AGPAT3: variants seen among roughly 807,000 people sequenced by gnomAD.
AGPAT3 encodes the protein 1-acyl-sn-glycerol-3-phosphate acyltransferase gamma.
A neutral mutation model predicts 47.3 loss-of-function variants in AGPAT3; 5 were observed. The observed-to-expected ratio is 0.11, with a 90% CI of 0.06 to 0.22. The LOEUF (loss-of-function observed/expected upper bound fraction) is 0.22. Among genes scored for constraint, AGPAT3 ranks in the 10% least tolerant of loss-of-function variants. AGPAT3 has a pLI of 1.00. For synonymous variants in AGPAT3, 212 were observed against 208.3 expected, an observed-to-expected ratio of 1.02 and a Z score of -0.15; for missense variants, 315 against 493.0, an observed-to-expected ratio of 0.64 and a Z score of 3.42.
intron 2 of AGPAT3, among the ~76,000 whole-genome samples, chr21:43,915,289 C>T (rs974064496): frequency 2.7e-5 from 4 of 150,836 alleles, no homozygotes; most frequent in Non-Finnish European, 4.4e-5. Context: ...TGAGCTCAAG[C>T]AGTCCGCCCT....
At chr21:43,875,617 A>AT (rs1195321277) in intron 1 of AGPAT3, among the ~76,000 whole-genome samples, 1 of 151,864 alleles carries the variant, frequency 6.6e-6, no homozygotes. Context: ...ATAGGTATAC[A>AT]TTTTTTTTGA....
intron 2 of AGPAT3, among the ~76,000 whole-genome samples, chr21:43,951,208 G>A (rs1418283942): frequency 2.0e-5 from 3 of 152,232 alleles, no homozygotes; most frequent in African/African-American, 7.2e-5. Flanking sequence ...TGGGTGCGGG[G>A]TGGGCGGGAC....
At chr21:43,875,541 GT>G (rs1044186550) in intron 1 of AGPAT3, among the ~76,000 whole-genome samples, 5 of 152,152 alleles carry the variant, frequency 3.3e-5, no homozygotes, top group Non-Finnish European at 1.5e-5. Flanking sequence ...TTCATTCCAG[GT>G]TATTTCTTCA....
Position 43,933,189 on chromosome 21 carries a change from C to T in AGPAT3, c.-48-26445C>T, listed in dbSNP as rs570999668. ...TGCCGAACAGCTCTTCGTTAACCTG[C>T]TGGCTGTCGGTGTGGCTCCTTCTGA... On this transcript the variant is annotated intron_variant, in intron 2 of 9. Transcript: ENST00000291572. This position sits in a 1 kb window ranked among gnomAD's most constrained non-coding sequence, Gnocchi z 6.0. Among the ~76,000 whole-genome samples, 24 of 152,234 alleles carry T rather than the reference C, an allele frequency of 1.6e-4. No individual in the cohort carries two copies. The highest frequency in any genetic ancestry group is 2.6e-4 in the Non-Finnish European group (18 of 68,040).
At chr21:43,877,959 T>C (rs541042839) in intron 1 of AGPAT3, among the ~76,000 whole-genome samples, 1 of 149,968 alleles carries the variant, frequency 6.7e-6, no homozygotes, top group South Asian at 2.1e-4. Context: ...CTTGCCCGCC[T>C]CCTGCCCCAC....
At position 43,987,229 on chromosome 21, in the gene AGPAT3, GGCCACCC is replaced by G. The variant is rs1333682507; in HGVS notation, c.*4838_*4844del. Among the ~76,000 whole-genome samples the G allele has an allele frequency of 6.6e-6, 1 of 152,168 alleles. No homozygotes were observed. Among genetic ancestry groups the G allele is most frequent in the Admixed American group, 6.5e-5 (1 of 15,278 alleles). On this transcript the variant is annotated 3_prime_UTR_variant, in exon 10 of 10. Coordinates refer to ENST00000291572, the MANE Select transcript of AGPAT3 (RefSeq NM_020132.5). ...GCCACCAGGCACTCCTGTCCCATGG[GGCCACCC>G]ACCTTCAGAGCCCACTCCCACGGGC...
intron 3 of AGPAT3, among the ~76,000 whole-genome samples, chr21:43,960,334 ATGTGTAT>A: frequency 6.6e-6 from 1 of 152,188 alleles, no homozygotes; most frequent in Non-Finnish European, 1.5e-5. Flanking sequence ...CTCTGTGCGT[ATGTGTAT>A]TATACATAGA....
intron 1 of AGPAT3, among the ~76,000 whole-genome samples, chr21:43,878,967 C>T (rs948308145): frequency 2.0e-5 from 3 of 152,158 alleles, no homozygotes; most frequent in Admixed American, 1.3e-4. Flanking sequence ...TCTCAAACTC[C>T]TTGCCTCAAG....
intron 7 of AGPAT3, among the ~76,000 whole-genome samples, chr21:43,975,912 T>C (rs1303555460): frequency 1.3e-5 from 2 of 151,862 alleles, no homozygotes; most frequent in Non-Finnish European, 2.9e-5. Flanking sequence ...AGAGGCAGCA[T>C]TGAGCACCCG....
In AGPAT3 at chr21:43,955,916, A is replaced by C. The variant is rs1173436157; in HGVS notation, c.-48-3718A>C. ...ATCTGTCTCAAAAAAAAAAAAAAAA[A>C]TCAGATTCCTGTACTTTGCGCCGTA... On this transcript the variant is annotated intron_variant, in intron 2 of 9. Transcript: ENST00000291572. The surrounding 1 kb of genome is among the most constrained non-coding windows in gnomAD (Gnocchi z 4.1). 1.3e-5 allele frequency among the ~76,000 whole-genome samples: 2 copies of C among 151,474 alleles called. No homozygotes were observed. Among genetic ancestry groups the C allele is most frequent in the Non-Finnish European group, 2.9e-5 (2 of 67,946 alleles).
rs1055735489 is a variant in AGPAT3 at position 43,865,275 on chromosome 21, G to A, written c.-182G>A. On this transcript the variant is annotated 5_prime_UTR_variant, in exon 1 of 10. Coordinates refer to ENST00000291572, the MANE Select transcript of AGPAT3 (RefSeq NM_020132.5). ...GGCCGGGCCCAGGGCCGAGGAGCGC[G>A]GCGGCCAGAGCGGGGCCGCGGAGGC... 12 of 147,118 alleles carry A rather than the reference G, an allele frequency of 8.2e-5. 1 individual carries two copies. Among genetic ancestry groups the A allele is most frequent in the African/African-American group, 2.7e-4 (11 of 40,888 alleles). The allele number at this position is 147,118 out of a possible 1,614,324, so 9.1% of individuals were successfully genotyped here. A position where few individuals can be genotyped will look rare whatever the true frequency, so the allele number is the denominator to read the frequency against.
chr21:43,958,381 G>A lies in AGPAT3; in HGVS notation c.-48-1253G>A, dbSNP rs117057706. ...TGTGTGTGTGTGGTGTAGAGTATGG[G>A]GCTGTGTGCAGCAGTGCGTGTGGGA... On this transcript the variant is annotated intron_variant, in intron 2 of 9. Coordinates refer to ENST00000291572, the MANE Select transcript of AGPAT3 (RefSeq NM_020132.5). 6.1e-4 allele frequency among the ~76,000 whole-genome samples: 93 copies of A among 151,586 alleles called. 1 individual carries two copies. In the East Asian group the frequency reaches 0.017, roughly 28 times the overall value.
Position 43,920,108 on chromosome 21 carries a change from G to T in AGPAT3, c.-49+16089G>T, listed in dbSNP as rs1418651080. On this transcript the variant is annotated intron_variant, in intron 2 of 9. Transcript: ENST00000291572. The surrounding 1 kb of genome is among the most constrained non-coding windows in gnomAD (Gnocchi z 6.1). The stretch of plus-strand genomic sequence containing the variant: ...GGACAGGAGTGCACTGCAGGCGGGG[G>T]TGTGACCACGTCCGCACCCCTCCCA... 6.6e-6 allele frequency among the ~76,000 whole-genome samples: 1 copy of T among 152,162 alleles called. No individual in the cohort carries two copies. Among genetic ancestry groups the T allele is most frequent in the African/African-American group, 2.4e-5 (1 of 41,428 alleles).
intron 1 of AGPAT3, among the ~76,000 whole-genome samples, chr21:43,883,648 C>T (rs1253630461): frequency 6.6e-6 from 1 of 152,142 alleles, no homozygotes; most frequent in East Asian, 1.9e-4. Context: ...GGCTGGAGTA[C>T]AGTGGTATAA....
At chr21:43,947,011 C>G (rs1401356091) in intron 2 of AGPAT3, 1 of 152,362 alleles carries the variant, frequency 6.6e-6, no homozygotes, top group Non-Finnish European at 1.5e-5. Context: ...CCAGTGAGAC[C>G]ATCACAGCAC....
intron 3 of AGPAT3, among the ~76,000 whole-genome samples, chr21:43,961,238 C>T (rs562921334): frequency 3.9e-5 from 6 of 152,196 alleles, no homozygotes; most frequent in South Asian, 2.1e-4. Context: ...GGGATTCTTA[C>T]GTTTTATTTC....
At chr21:43,914,205 C>G (rs138395723) in intron 2 of AGPAT3, among the ~76,000 whole-genome samples, 1 of 152,338 alleles carries the variant, frequency 6.6e-6, no homozygotes, top group African/African-American at 2.4e-5. Flanking sequence ...CCTGCGAGGC[C>G]TGGGGCCCCC....
chr21:43,975,027 G>A (rs942108520), intron 7 of AGPAT3, among the ~76,000 whole-genome samples: 23 of 152,196 alleles, frequency 1.5e-4, no homozygotes, highest in African/African-American at 4.3e-4. Context: ...TTGTGTACTG[G>A]CGTTTGCTGA....
At chr21:43,975,797 C>T (rs910670993) in intron 7 of AGPAT3, among the ~76,000 whole-genome samples, 1 of 152,176 alleles carries the variant, frequency 6.6e-6, no homozygotes, top group Non-Finnish European at 1.5e-5. Context: ...TCATAAAGGT[C>T]CACGATGAGC....
Sources: allele counts gnomAD v4.1 joint callset (sites outside exome capture counted in the v4.1 genomes callset), GRCh38; gene constraint gnomAD v4.1.1; non-coding constraint Gnocchi (gnomAD v3.1); transcripts MANE v1.5; gene names NCBI Gene and HGNC (gene_info 2026-07-23, HGNC 2026-07-21).